The following MAPKAPK2 variants were observed in gnomAD, a reference collection of about 807,000 sequenced individuals.
The protein encoded by MAPKAPK2 is MAPK activated protein kinase 2.
MAPKAPK2 carries 9 observed loss-of-function variants against 48.8 expected under a neutral mutation model. That is an observed-to-expected ratio of 0.18 (90% CI 0.11 to 0.32). MAPKAPK2 has a LOEUF of 0.32. Among genes scored for constraint, MAPKAPK2 ranks in the 10% least tolerant of loss-of-function variants. The probability of loss-of-function intolerance (pLI) is 1.00; values close to 1 mark genes in which losing one functional copy is unlikely to be tolerated. For synonymous variants in MAPKAPK2, 202 were observed against 190.6 expected, an observed-to-expected ratio of 1.06 and a Z score of -0.49; for missense variants, 331 against 498.3, an observed-to-expected ratio of 0.66 and a Z score of 3.20.
intron 1 of MAPKAPK2, among the ~76,000 whole-genome samples, chr1:206,727,721 AC>A (rs1673747692): frequency 1.3e-5 from 2 of 152,014 alleles, no homozygotes; most frequent in African/African-American, 4.8e-5. Flanking sequence ...CTCAGGGTTC[AC>A]GCCATTCTCC....
intron 1 of MAPKAPK2, among the ~76,000 whole-genome samples, chr1:206,708,145 A>G (rs1673023333): frequency 6.6e-6 from 1 of 152,232 alleles, no homozygotes; most frequent in Non-Finnish European, 1.5e-5. Context: ...CACATATGCT[A>G]AGATTCCCTG....
At chr1:206,697,432 A>G (rs1420199365) in intron 1 of MAPKAPK2, among the ~76,000 whole-genome samples, 1 of 152,138 alleles carries the variant, frequency 6.6e-6, no homozygotes, top group African/African-American at 2.4e-5. Context: ...TACAAGGATC[A>G]TGGCACCAGC....
intron 1 of MAPKAPK2, among the ~76,000 whole-genome samples, chr1:206,688,089 C>A (rs549320686): frequency 6.6e-6 from 1 of 152,268 alleles, no homozygotes; most frequent in African/African-American, 2.4e-5. Context: ...CAGAGAGCTC[C>A]CATTTAAATG....
intron 1 of MAPKAPK2, among the ~76,000 whole-genome samples, chr1:206,686,293 C>T (rs1553425601): frequency 6.6e-6 from 1 of 152,278 alleles, no homozygotes; most frequent in Non-Finnish European, 1.5e-5. Context: ...ACTTGCTGTC[C>T]TGGACTCGCG....
chr1:206,721,458 A>G (rs1673517184), intron 1 of MAPKAPK2, among the ~76,000 whole-genome samples: 2 of 152,238 alleles, frequency 1.3e-5, no homozygotes, highest in South Asian at 4.1e-4. Flanking sequence ...TACGTCTATG[A>G]TTAATACCTG....
chr1:206,723,785 G>C (rs1285451458), intron 1 of MAPKAPK2, among the ~76,000 whole-genome samples: 2 of 152,234 alleles, frequency 1.3e-5, no homozygotes, highest in African/African-American at 4.8e-5. Context: ...TGCTGGAAGA[G>C]ACAGAGAGGC....
At chr1:206,705,521 G>A (rs1189789227) in intron 1 of MAPKAPK2, among the ~76,000 whole-genome samples, 2 of 152,180 alleles carry the variant, frequency 1.3e-5, no homozygotes, top group Non-Finnish European at 2.9e-5. Context: ...GAAGCAGAGG[G>A]GAACAAGATT....
At chr1:206,691,488 T>TATAG (rs1431255615) in intron 1 of MAPKAPK2, among the ~76,000 whole-genome samples, 1 of 128,006 alleles carries the variant, frequency 7.8e-6, no homozygotes, top group African/African-American at 2.9e-5. Flanking sequence ...TTAAGATATA[T>TATAG]ATATATATAT....
rs1032199317 is a variant in MAPKAPK2 at position 206,695,812 on chromosome 1, T to C, written c.279+10304T>C. On this transcript the variant is annotated intron_variant, in intron 1 of 9. Transcript: ENST00000367103. ...AGGAAGGTAATTTATTAACGGAAAA[T>C]ATTTGAGGAGTCCTGTGCACAGTGA... 3.3e-5 allele frequency: 11 copies of C among 333,440 alleles called. No individual in the cohort carries two copies. In the East Asian group the frequency reaches 5.2e-4, roughly 16 times the overall value. The allele number at this position is 333,440 out of a possible 1,614,324, so 20.7% of individuals were successfully genotyped here. A position where few individuals can be genotyped will look rare whatever the true frequency, so the allele number is the denominator to read the frequency against.
intron 5 of MAPKAPK2, 119 bp from the exon 6 acceptor site, chr1:206,730,569 A>C: frequency 1.2e-6 from 1 of 840,126 alleles, no homozygotes; most frequent in South Asian, 1.5e-5. Context: ...TCTGTGCCCC[A>C]ACTGCTGCCA....
At position 206,732,880 on chromosome 1, in the gene MAPKAPK2, AC is replaced by A; in HGVS notation, c.*166del. On this transcript the variant is annotated 3_prime_UTR_variant, in exon 10 of 10. Transcript: ENST00000367103. The surrounding 1 kb of genome is among the most constrained non-coding windows in gnomAD (Gnocchi z 4.4). ...ACTGAATTCTGCCTTGGTTCTGGCC[AC>A]CCCAGAGTGGGAGAGGCTGGGAGGT... The A allele has an allele frequency of 1.2e-6, 1 of 809,784 alleles. No homozygotes were observed. Among genetic ancestry groups the A allele is most frequent in the Non-Finnish European group, 1.9e-6 (1 of 537,444 alleles). The allele number at this position is 809,784 out of a possible 1,614,324, so 50.2% of individuals were successfully genotyped here.
chr1:206,714,671 G>A (rs950965569), intron 1 of MAPKAPK2, among the ~76,000 whole-genome samples: 6 of 151,078 alleles, frequency 4.0e-5, no homozygotes, highest in Non-Finnish European at 5.9e-5. Context: ...AGGCTGAGGT[G>A]GGAGAATTGC....
At position 206,719,245 on chromosome 1, in the gene MAPKAPK2, G is replaced by A. The variant is rs1374545982; in HGVS notation, c.280-9465G>A. ...CGATTTTTAGGCCTCTTGACTTTTT[G>A]TTGAGCCCTAGGCTTTTGTGACTGC... On this transcript the variant is annotated intron_variant, in intron 1 of 9. Transcript: ENST00000367103. 2.6e-5 allele frequency among the ~76,000 whole-genome samples: 4 copies of A among 152,278 alleles called. 1 individual carries two copies. Among genetic ancestry groups the A allele is most frequent in the African/African-American group, 4.8e-5 (2 of 41,564 alleles).
intron 1 of MAPKAPK2, among the ~76,000 whole-genome samples, chr1:206,696,896 T>C (rs1486114253): frequency 4.6e-5 from 7 of 152,224 alleles, no homozygotes; most frequent in Admixed American, 2.6e-4. Flanking sequence ...TCTCTGAGAC[T>C]GAGCTGGGGT....
rs1039753873 is a variant in MAPKAPK2, at chr1:206,696,014, A to G, written c.279+10506A>G. ...GGAGTTCGATGTGTAGGGCAGTGATACCCAGCTCTGGGCCACATCCCGGGC... is the reference window on the plus strand; with the variant it reads ...GGAGTTCGATGTGTAGGGCAGTGATGCCCAGCTCTGGGCCACATCCCGGGC... On this transcript the variant is annotated intron_variant, in intron 1 of 9. Coordinates refer to ENST00000367103, the MANE Select transcript of MAPKAPK2 (RefSeq NM_032960.4). The G allele has an allele frequency of 8.9e-6, 7 of 784,930 alleles. No homozygotes were observed. The African/African-American group carries it at 1.2e-4, about 13-fold the overall frequency. The allele number at this position is 784,930 out of a possible 1,614,324, so 48.6% of individuals were successfully genotyped here. A position where few individuals can be genotyped will look rare whatever the true frequency, so the allele number is the denominator to read the frequency against.
intron 1 of MAPKAPK2, among the ~76,000 whole-genome samples, chr1:206,708,861 A>G (rs1168835536): frequency 6.6e-6 from 1 of 152,192 alleles, no homozygotes; most frequent in Non-Finnish European, 1.5e-5. Context: ...CCTCATATAA[A>G]TGGGATAATC....
At position 206,731,971 on chromosome 1, in the gene MAPKAPK2, G is replaced by A. The variant is rs191198172; in HGVS notation, c.1059+52G>A. ...GCTCCAGGTGGGGTGGGCGGCTTGCGGGGAGTGCCCAGGTGTGAGGCGTGG... is the reference window on the plus strand; with the variant it reads ...GCTCCAGGTGGGGTGGGCGGCTTGCAGGGAGTGCCCAGGTGTGAGGCGTGG... On this transcript the variant is annotated intron_variant, in intron 9 of 9. Coordinates refer to ENST00000367103, the MANE Select transcript of MAPKAPK2 (RefSeq NM_032960.4). This position sits in a 1 kb window ranked among gnomAD's most constrained non-coding sequence, Gnocchi z 5.9. 1.2e-4 allele frequency: 188 copies of A among 1,614,044 alleles called. No individual in the cohort carries two copies. In the African/African-American group the frequency reaches 2.2e-3, roughly 19 times the overall value.
At chr1:206,709,926 C>T (rs1467592957) in intron 1 of MAPKAPK2, among the ~76,000 whole-genome samples, 2 of 152,180 alleles carry the variant, frequency 1.3e-5, no homozygotes, top group South Asian at 4.1e-4. Flanking sequence ...CATTGCCAAA[C>T]GTCCCCTGGG....
intron 1 of MAPKAPK2, chr1:206,695,919 C>T (rs567766735): frequency 8.3e-5 from 53 of 639,060 alleles, no homozygotes; most frequent in African/African-American, 6.0e-4. Context: ...CATACCTGAG[C>T]GGGCAAGGGC....
Sources: gnomAD v4.1 joint callset for allele counts (sites outside exome capture counted in the v4.1 genomes callset) on GRCh38, gnomAD v4.1.1 for gene constraint, Gnocchi (gnomAD v3.1) non-coding constraint, MANE v1.5 for transcripts, NCBI Gene and HGNC (gene_info 2026-07-23, HGNC 2026-07-21) for gene names.